The following GABRB2 variants were observed in gnomAD, a reference collection of about 807,000 sequenced individuals.
GABRB2 encodes gamma-aminobutyric acid receptor subunit beta-2.
A neutral mutation model predicts 54.7 loss-of-function variants in GABRB2; 16 were observed. The ratio of observed to expected loss-of-function variants is 0.29; its 90% CI spans 0.20 to 0.44. The LOEUF is 0.44. Among genes scored for constraint, GABRB2 ranks in the 20% least tolerant of loss-of-function variants. GABRB2 has a pLI of 1.00. For synonymous variants in GABRB2, 244 were observed against 233.8 expected, an observed-to-expected ratio of 1.04 and a Z score of -0.40; for missense variants, 355 against 644.0, an observed-to-expected ratio of 0.55 and a Z score of 4.86.
chr5:161,324,132 A>G (rs920454003), intron 9 of GABRB2, among the ~76,000 whole-genome samples: 2 of 152,206 alleles, frequency 1.3e-5, no homozygotes, highest in African/African-American at 4.8e-5. Flanking sequence ...GAAATGGTGT[A>G]TACTTATACT....
At chr5:161,407,393 T>A (rs1756376498) in intron 5 of GABRB2, among the ~76,000 whole-genome samples, 1 of 152,116 alleles carries the variant, frequency 6.6e-6, no homozygotes, top group South Asian at 2.1e-4. Flanking sequence ...TTCAATGTCC[T>A]CCTGACAATG....
At chr5:161,341,727 G>A (rs979684604) in intron 5 of GABRB2, among the ~76,000 whole-genome samples, 3 of 150,926 alleles carry the variant, frequency 2.0e-5, no homozygotes, top group African/African-American at 7.3e-5. Flanking sequence ...TCACAACTGT[G>A]ACATTATCTG....
chr5:161,515,432 T>C (rs1041781433), intron 3 of GABRB2, among the ~76,000 whole-genome samples: 3 of 152,130 alleles, frequency 2.0e-5, no homozygotes, highest in Admixed American at 1.3e-4. Flanking sequence ...CCTACAACTG[T>C]AGCTATGAGA....
chr5:161,465,998 C>G (rs1758265510), intron 3 of GABRB2, among the ~76,000 whole-genome samples: 1 of 152,012 alleles, frequency 6.6e-6, no homozygotes, highest in Non-Finnish European at 1.5e-5. Flanking sequence ...CCAAGAACCA[C>G]CTTACACTTA....
At chr5:161,474,214 C>T (rs1025437603) in intron 3 of GABRB2, among the ~76,000 whole-genome samples, 6 of 151,964 alleles carry the variant, frequency 3.9e-5, no homozygotes, top group African/African-American at 1.2e-4. Context: ...TGGTCTATAG[C>T]TTTTGAGAGG....
At chr5:161,396,076 T>A (rs1309725868) in intron 5 of GABRB2, among the ~76,000 whole-genome samples, 1 of 152,208 alleles carries the variant, frequency 6.6e-6, no homozygotes, top group African/African-American at 2.4e-5. Flanking sequence ...AATGATTGTC[T>A]TCTATGTGGC....
chr5:161,490,807 A>G (rs1759075221), intron 3 of GABRB2, among the ~76,000 whole-genome samples: 1 of 151,762 alleles, frequency 6.6e-6, no homozygotes, highest in Non-Finnish European at 1.5e-5. Context: ...CTCTCAAACT[A>G]TGCTTCAAGA....
In GABRB2 at chr5:161,291,493, T is replaced by C. The variant is rs1464726717; in HGVS notation, c.*2588A>G. ...GTTATTTCTGGAGAGGCTGAGTCAG[T>C]TGTTTCTATCTCTGTGGTTACTGAG... On this transcript the variant is annotated 3_prime_UTR_variant, in exon 10 of 10. Coordinates refer to ENST00000393959, the MANE Select transcript of GABRB2 (RefSeq NM_001371727.1). 6.6e-6 allele frequency: 1 copy of C among 152,260 alleles called. No individual in the cohort carries two copies. Among genetic ancestry groups the C allele is most frequent in the African/African-American group, 2.4e-5 (1 of 41,450 alleles). The allele number at this position is 152,260 out of a possible 1,614,324, so 9.4% of individuals were successfully genotyped here.
chr5:161,426,406 A>G (rs1757000224), intron 4 of GABRB2, among the ~76,000 whole-genome samples: 1 of 152,138 alleles, frequency 6.6e-6, no homozygotes, highest in Admixed American at 6.6e-5. Flanking sequence ...GGTACATGCA[A>G]ATCAGGGCAA....
At chr5:161,366,730 G>A (rs1754984151) in intron 5 of GABRB2, among the ~76,000 whole-genome samples, 1 of 152,142 alleles carries the variant, frequency 6.6e-6, no homozygotes, top group Non-Finnish European at 1.5e-5. Context: ...TGGATCACCT[G>A]AGGTCAGGAG....
intron 3 of GABRB2, among the ~76,000 whole-genome samples, chr5:161,524,378 C>T (rs1760207908): frequency 6.6e-6 from 1 of 151,628 alleles, no homozygotes; most frequent in Non-Finnish European, 1.5e-5. Context: ...CAAGCAGACG[C>T]AACTTGATAT....
intron 3 of GABRB2, among the ~76,000 whole-genome samples, chr5:161,523,535 TG>T (rs1322228949): frequency 6.6e-6 from 1 of 151,496 alleles, no homozygotes; most frequent in Non-Finnish European, 1.5e-5. Context: ...CAATTTCAGA[TG>T]TAAGAAAGTT....
intron 3 of GABRB2, among the ~76,000 whole-genome samples, chr5:161,469,027 A>C (rs77273845): frequency 1.3e-5 from 2 of 151,842 alleles, no homozygotes; most frequent in African/African-American, 4.8e-5. Flanking sequence ...ACTACAAAAC[A>C]ATATGCACAA....
rs181051570 is a variant in GABRB2, at chr5:161,403,728, T to C, written c.541+7247A>G. Among the ~76,000 whole-genome samples, 111 of 151,664 alleles carry C rather than the reference T, an allele frequency of 7.3e-4. No individual in the cohort carries two copies. In the East Asian group the frequency reaches 0.017, roughly 23 times the overall value. ...TGAGTAACCACATAATAAGAAAGAG[T>C]TCTTAGAAACTGAAAACGTGACTGC... is the stretch of plus-strand genomic sequence containing the variant. On this transcript the variant is annotated intron_variant, in intron 5 of 9. Transcript: ENST00000393959.
At chr5:161,343,999 C>T (rs538239540) in intron 5 of GABRB2, among the ~76,000 whole-genome samples, 63 of 152,172 alleles carry the variant, frequency 4.1e-4, no homozygotes, top group Middle Eastern at 3.4e-3. Context: ...GATAAACTCC[C>T]AGGTGATGCT....
At chr5:161,427,900 C>T (rs559076047) in intron 4 of GABRB2, among the ~76,000 whole-genome samples, 7 of 152,264 alleles carry the variant, frequency 4.6e-5, no homozygotes, top group Non-Finnish European at 8.8e-5. Flanking sequence ...AACACTACAA[C>T]ATTGCTAATG....
intron 3 of GABRB2, among the ~76,000 whole-genome samples, chr5:161,491,482 A>T (rs1415154066): frequency 6.6e-6 from 1 of 151,674 alleles, no homozygotes; most frequent in Non-Finnish European, 1.5e-5. Flanking sequence ...ACAGAAAAGC[A>T]ATTATTTGAT....
intron 9 of GABRB2, among the ~76,000 whole-genome samples, chr5:161,323,630 A>G (rs545817955): frequency 8.5e-5 from 13 of 152,232 alleles, no homozygotes; most frequent in African/African-American, 3.1e-4. Context: ...ACATTTTATT[A>G]TTGATGGCTT....
At chr5:161,401,970 T>A (rs1482585287) in intron 5 of GABRB2, among the ~76,000 whole-genome samples, 5 of 152,138 alleles carry the variant, frequency 3.3e-5, no homozygotes, top group Non-Finnish European at 7.4e-5. Context: ...AAAATATGCC[T>A]CCTGTAAATG....
Sources: gnomAD v4.1 joint callset for allele counts (sites outside exome capture counted in the v4.1 genomes callset) on GRCh38, gnomAD v4.1.1 for gene constraint, MANE v1.5 for transcripts, NCBI Gene and HGNC (gene_info 2026-07-23, HGNC 2026-07-21) for gene names.